Variants in RAD51AP2 observed in about 807,000 individuals in gnomAD.
RAD51AP2 encodes the protein RAD51 associated protein 2.
A neutral mutation model predicts 85.5 loss-of-function variants in RAD51AP2; 67 were observed. That is an observed-to-expected ratio of 0.78 (90% CI 0.64 to 0.96). The LOEUF is 0.96. Ranked by LOEUF, RAD51AP2 falls within the 40% of genes least tolerant of loss-of-function variation. RAD51AP2 has a pLI of 0.00. For synonymous variants in RAD51AP2, 474 were observed against 446.5 expected (o/e 1.06, Z -0.78); for missense variants, 1,307 against 1,332.4 (o/e 0.98, Z 0.30).
In RAD51AP2 at chr2:17,517,574, T is replaced by C. The variant is rs1301006121; in HGVS notation, c.842A>G (p.Lys281Arg). Residue 281 changes from lysine (K) to arginine (R), a missense_variant, in exon 1 of 3, where the codon AAA (lysine) becomes AGA (arginine). Physicochemically the swap from Lys to Arg is conservative, Grantham distance 26. Around this residue, in one of 3 missense-constraint regions of RAD51AP2, gnomAD observed 635 missense variants for 643.6 expected, o/e 0.99. Transcript: ENST00000399080. Reference sequence around the variant, plus strand: ...ATATGCCTCTTTTTTGTCATTCTTTTTCTTCGCTATTTCCTTTAAATAGAC... The same window carrying C: ...ATATGCCTCTTTTTTGTCATTCTTTCTCTTCGCTATTTCCTTTAAATAGAC... The part of the protein sequence containing the change: ...SSVYLKEIAK[K>R]KNDKKEAYVR... 1 of 1,613,732 alleles carries C rather than the reference T, an allele frequency of 6.2e-7. No individual in the cohort carries two copies. The highest frequency in any genetic ancestry group is 8.5e-7 in the Non-Finnish European group (1 of 1,179,974).
In RAD51AP2 at chr2:17,515,624, A is replaced by G. The variant is rs1372214777; in HGVS notation, c.2792T>C (p.Phe931Ser). 6.2e-7 allele frequency: 1 copy of G among 1,612,166 alleles called. No homozygotes were observed. Among genetic ancestry groups the G allele is most frequent in the Non-Finnish European group, 8.5e-7 (1 of 1,179,298 alleles). Residue 931 changes from phenylalanine (F) to serine (S), a missense_variant, in exon 1 of 3, where the codon TTT (phenylalanine) becomes TCT (serine). Physicochemically the swap from Phe to Ser is radical, Grantham distance 155. Around this residue, in one of 3 missense-constraint regions of RAD51AP2, gnomAD observed 668 missense variants for 671.0 expected, o/e 1.00. Coordinates refer to ENST00000399080, the MANE Select transcript of RAD51AP2 (RefSeq NM_001099218.3). ...ATTCCCTTCACTCAGACCAGTTTCA[A>G]ATTGATGATTAATATATAATGCAGA... ...NDSALYINHQ[F>S]ETGLSEGNDE...
At chr2:17,513,528 T>C (rs1371404178) in intron 2 of RAD51AP2, among the ~76,000 whole-genome samples, 1 of 152,292 alleles carries the variant, frequency 6.6e-6, no homozygotes, top group Non-Finnish European at 1.5e-5. Flanking sequence ...TGAGCCACCG[T>C]GCCTGGCCTA....
rs535764814 is a variant in RAD51AP2, at chr2:17,513,932, T to C, written c.3328+80A>G. 4.2e-4 allele frequency: 321 copies of C among 763,300 alleles called. 1 individual carries two copies. The highest frequency in any genetic ancestry group is 2.3e-3 in the African/African-American group (129 of 56,458). 47.3% of individuals were successfully genotyped at this position (763,300 alleles called of 1,614,324 possible). On this transcript the variant is annotated intron_variant, in intron 2 of 2. Transcript: ENST00000399080. ...GTATTTATTTTGAACAACATGAATA[T>C]CTATACTTTCCTCATACTAAAAATA... is the stretch of plus-strand genomic sequence containing the variant.
the RAD51AP2 span, among the ~76,000 whole-genome samples, chr2:17,525,143 T>G: frequency 6.6e-6 from 1 of 151,962 alleles, no homozygotes; most frequent in East Asian, 1.9e-4. Flanking sequence ...AACAAGGGCC[T>G]GGAAGACACT....
At chr2:17,523,428 T>C (rs1008563371), upstream of RAD51AP2, among the ~76,000 whole-genome samples, 2 of 151,898 alleles carry the variant, frequency 1.3e-5, no homozygotes, top group Non-Finnish European at 3.0e-5. Flanking sequence ...AGAGCTTTTT[T>C]TTCTAGAAAA....
chr2:17,526,250 A>G, the RAD51AP2 span, among the ~76,000 whole-genome samples: 1 of 151,980 alleles, frequency 6.6e-6, no homozygotes, highest in Non-Finnish European at 1.5e-5. Flanking sequence ...GTGCAAACAC[A>G]TATAAAAAAA....
upstream of RAD51AP2, among the ~76,000 whole-genome samples, chr2:17,522,290 C>T (rs955779786): frequency 8.2e-4 from 125 of 151,926 alleles, 2 homozygotes; most frequent in Non-Finnish European, 2.9e-5. Context: ...TCTTGCCATC[C>T]CTTAAATGTA....
chr2:17,530,573 A>G, the RAD51AP2 span, among the ~76,000 whole-genome samples: 1 of 118,756 alleles, frequency 8.4e-6, no homozygotes, highest in South Asian at 2.9e-4. Flanking sequence ...AAATAGAGTC[A>G]GGCCCTGTCT....
chr2:17,528,808 C>T, the RAD51AP2 span, among the ~76,000 whole-genome samples: 3 of 152,136 alleles, frequency 2.0e-5, no homozygotes. Flanking sequence ...TGTACCACTG[C>T]TCCCCAGCCT....
Position 17,515,466 on chromosome 2 carries a change from C to T in RAD51AP2, c.2950G>A (p.Glu984Lys). Residue 984 changes from glutamate to lysine, a missense_variant, in exon 1 of 3, where the codon GAA (glutamate) becomes AAA (lysine). This residue lies in a region of RAD51AP2 where 668 missense variants were observed against 671.0 expected (regional missense o/e 1.00). Coordinates refer to ENST00000399080, the MANE Select transcript of RAD51AP2 (RefSeq NM_001099218.3). The part of the protein sequence containing the change: ...ELRMFHEISR[E>K]NELLSTVETN... ...TCCACAGTGCTTAGAAGTTCATTTT[C>T]CCTACTAATTTCATGAAACATACGA... 1 of 1,613,462 alleles carries T rather than the reference C, an allele frequency of 6.2e-7. No individual in the cohort carries two copies.
At chr2:17,511,622 T>C (rs776709367) in intron 2 of RAD51AP2, among the ~76,000 whole-genome samples, 3 of 152,144 alleles carry the variant, frequency 2.0e-5, no homozygotes, top group African/African-American at 7.2e-5. Flanking sequence ...GGGGTACATA[T>C]ATAAAACCAA....
At position 17,518,061 on chromosome 2, in the gene RAD51AP2, G is replaced by T. The variant is rs781306752; in HGVS notation, c.355C>A (p.Pro119Thr). The T allele has an allele frequency of 3.1e-6, 5 of 1,614,152 alleles. No homozygotes were observed. The South Asian group carries it at 5.5e-5, about 18-fold the overall frequency. Residue 119 changes from proline to threonine, a missense_variant, in exon 1 of 3, where the codon CCC (proline) becomes ACC (threonine). This residue lies in a region of RAD51AP2 where 635 missense variants were observed against 643.6 expected (regional missense o/e 0.99). Transcript: ENST00000399080. ...AAATCAGAATCAGGACTTTGTGAGG[G>T]GGGAGACTGCAAACAGCTACTCATT... ...FQMSSCLQSP[P>T]SQSPDSDLRA...
At chr2:17,526,065 T>C in the RAD51AP2 span, among the ~76,000 whole-genome samples, 1 of 151,760 alleles carries the variant, frequency 6.6e-6, no homozygotes, top group Non-Finnish European at 1.5e-5. Context: ...CTAATTATGA[T>C]ATTATATATT....
chr2:17,524,731 A>C, the RAD51AP2 span, among the ~76,000 whole-genome samples: 1 of 151,940 alleles, frequency 6.6e-6, no homozygotes, highest in African/African-American at 2.4e-5. Flanking sequence ...TCCAATATTT[A>C]GCATGGGACC....
chr2:17,517,627 T>C lies in RAD51AP2; in HGVS notation c.789A>G (p.Pro263=). Residue 263 remains proline, a synonymous_variant, in exon 1 of 3, where the codon CCA becomes CCG. Coordinates refer to ENST00000399080, the MANE Select transcript of RAD51AP2 (RefSeq NM_001099218.3). ...AGGACATTTTGCTATTTAAGTCCAT[T>C]GGAAACTGAGGGACACTTATTGTGC... ...DSGTISVPQF[P]MDLNSKMSSV... 1.2e-6 allele frequency: 2 copies of C among 1,614,100 alleles called. No individual in the cohort carries two copies. Among genetic ancestry groups the C allele is most frequent in the Non-Finnish European group, 1.7e-6 (2 of 1,179,994 alleles).
At chr2:17,525,410 A>G in the RAD51AP2 span, among the ~76,000 whole-genome samples, 1 of 152,000 alleles carries the variant, frequency 6.6e-6, no homozygotes. Context: ...GAAAGTAGAC[A>G]AGGAAATGTA....
At chr2:17,535,596 A>G in the RAD51AP2 span, among the ~76,000 whole-genome samples, 1 of 152,152 alleles carries the variant, frequency 6.6e-6, no homozygotes, top group Admixed American at 6.6e-5. Context: ...TAACGACGTG[A>G]TGAGGAATTA....
the RAD51AP2 span, among the ~76,000 whole-genome samples, chr2:17,529,136 A>G: frequency 6.6e-6 from 1 of 151,978 alleles, no homozygotes; most frequent in Non-Finnish European, 1.5e-5. Context: ...TTCATAGTAT[A>G]TTCTAACATA....
chr2:17,518,285 A>G lies in RAD51AP2; in HGVS notation c.131T>C (p.Val44Ala). The change falls in exon 1 of 3, where the codon GTC becomes GCC. Residue 44 changes from valine (V) to alanine (A), a missense_variant. Physicochemically the swap from Val to Ala is moderately conservative, Grantham distance 64. Transcript: ENST00000399080. ...AGGCAGTCGCCAGCCCGCCTTAAAG[A>G]CACCTCCAGGCTCCTCAAGACAGAG... ...KRLCLEEPGG[V>A]FKAGWRLPLV... 6.2e-7 allele frequency: 1 copy of G among 1,614,068 alleles called. No homozygotes were observed. The highest frequency in any genetic ancestry group is 8.5e-7 in the Non-Finnish European group (1 of 1,179,990).
Sources: allele counts gnomAD v4.1 joint callset (sites outside exome capture counted in the v4.1 genomes callset), GRCh38; gene constraint gnomAD v4.1.1; regional missense constraint gnomAD v4.1.1; transcripts MANE v1.5; gene names NCBI Gene and HGNC (gene_info 2026-07-23, HGNC 2026-07-21).